Variants in CYP2J2 observed in about 807,000 individuals in gnomAD.
The protein encoded by CYP2J2 is cytochrome P450 family 2 subfamily J member 2.
In CYP2J2, 41 loss-of-function variants were observed where a neutral mutation model predicts 48.8. The ratio of observed to expected loss-of-function variants is 0.84; its 90% confidence interval spans 0.66 to 1.09. CYP2J2 has a LOEUF of 1.09. CYP2J2 is among the 50% of genes least tolerant of loss of function. The probability of loss-of-function intolerance (pLI) is 0.00; values close to 1 mark genes in which losing one functional copy is unlikely to be tolerated. For missense variants in CYP2J2, 644 were observed against 617.3 expected, an observed-to-expected ratio of 1.04 and a Z score of -0.46; for synonymous variants, 221 against 227.1, an observed-to-expected ratio of 0.97 and a Z score of 0.24.
At chr1:59,934,989 G>GATATATATATATATATATACATATAT in the CYP2J2 span, among the ~76,000 whole-genome samples, 2 of 58,406 alleles carry the variant, frequency 3.4e-5, no homozygotes, top group Admixed American at 2.5e-4. Context: ...AAGAAAATGG[G>GATATATATATATATATATACATATAT]ATATATATAT....
the CYP2J2 span, among the ~76,000 whole-genome samples, chr1:59,943,059 G>A: frequency 6.6e-6 from 1 of 152,190 alleles, no homozygotes; most frequent in East Asian, 1.9e-4. Context: ...ACAGGTTTAA[G>A]TGGAACAATA....
At chr1:59,941,695 T>C in the CYP2J2 span, among the ~76,000 whole-genome samples, 241 of 152,278 alleles carry the variant, frequency 1.6e-3, no homozygotes, top group Middle Eastern at 0.01. Context: ...TCTGACCCTG[T>C]GTAGGCCTAG....
Position 59,904,999 on chromosome 1 carries a change from C to A in CYP2J2, c.1063G>T (p.Ala355Ser). Residue 355 changes from alanine (A) to serine (S), a missense_variant, in exon 7 of 9, where the codon GCC becomes TCC. Ala to Ser is a moderately conservative substitution (Grantham distance 99). Coordinates refer to ENST00000371204, the MANE Select transcript of CYP2J2 (RefSeq NM_000775.4). Reference protein sequence around the residue: ...IGQGQQPSTAARESMPYTNAV... With the variant: ...IGQGQQPSTASRESMPYTNAV... ...TTGGTGTAGGGCATGGACTCCCGGGCGGCTGTGCTCGGCTGCTGCCCCTGG... is the reference window on the plus strand; with the variant it reads ...TTGGTGTAGGGCATGGACTCCCGGGAGGCTGTGCTCGGCTGCTGCCCCTGG... The A allele has an allele frequency of 6.2e-7, 1 of 1,613,860 alleles. No homozygotes were observed. Among genetic ancestry groups the A allele is most frequent in the Non-Finnish European group, 8.5e-7 (1 of 1,179,926 alleles).
Position 59,926,759 on chromosome 1 carries a change from C to T in CYP2J2, c.-13G>A. 4 of 1,606,246 alleles carry T rather than the reference C, an allele frequency of 2.5e-6. No individual in the cohort carries two copies. Among genetic ancestry groups the T allele is most frequent in the African/African-American group, 1.3e-5 (1 of 74,896 alleles). ...TCGCCGCGAGCATGGCTCAGACGTCCTCCTGCTCTTCTGCGGTCCAAGCAG... is the reference window on the plus strand; with the variant it reads ...TCGCCGCGAGCATGGCTCAGACGTCTTCCTGCTCTTCTGCGGTCCAAGCAG... On this transcript the variant is annotated 5_prime_UTR_variant, in exon 1 of 9. Coordinates refer to ENST00000371204, the MANE Select transcript of CYP2J2 (RefSeq NM_000775.4).
At chr1:59,959,847 G>A in the CYP2J2 span, among the ~76,000 whole-genome samples, 1 of 152,108 alleles carries the variant, frequency 6.6e-6, no homozygotes, top group Non-Finnish European at 1.5e-5. Context: ...GCTAAGCTAT[G>A]AGGACACAAA....
chr1:59,896,549 T>C (rs1187314029), intron 8 of CYP2J2, among the ~76,000 whole-genome samples: 1 of 151,964 alleles, frequency 6.6e-6, no homozygotes, highest in African/African-American at 2.4e-5. Context: ...ATAACTTACC[T>C]CTCATCACTG....
At position 59,926,546 on chromosome 1, in the gene CYP2J2, C is replaced by T. The variant is rs973988967; in HGVS notation, c.201G>A (p.Glu67=). 3 of 1,613,958 alleles carry T rather than the reference C, an allele frequency of 1.9e-6. No individual in the cohort carries two copies. The highest frequency in any genetic ancestry group is 2.5e-6 in the Non-Finnish European group (3 of 1,179,804). The stretch of plus-strand genomic sequence containing the variant: ...CTTCTCCCACTCCTACCAGCTGAAC[C>T]TCCAGGTGCGACTGCTCGAAGTCCA... ...FLVDFEQSHL[E]VQLFVKKYGN... is the part of the protein sequence containing the mutation. The change falls in exon 1 of 9, where the codon GAG becomes GAA. Residue 67 remains glutamate, a synonymous_variant. Transcript: ENST00000371204.
chr1:59,943,535 A>G, the CYP2J2 span, among the ~76,000 whole-genome samples: 1 of 152,358 alleles, frequency 6.6e-6, no homozygotes, highest in East Asian at 1.9e-4. Flanking sequence ...AAACAAGTCC[A>G]GGAAAGTATG....
At chr1:59,958,033 A>T in the CYP2J2 span, among the ~76,000 whole-genome samples, 4 of 152,190 alleles carry the variant, frequency 2.6e-5, no homozygotes, top group African/African-American at 9.7e-5. Flanking sequence ...TCTTGACAAG[A>T]CAATATGGTC....
At chr1:59,910,458 G>A (rs1644403370) in intron 4 of CYP2J2, among the ~76,000 whole-genome samples, 1 of 145,508 alleles carries the variant, frequency 6.9e-6, no homozygotes, top group African/African-American at 2.6e-5. Flanking sequence ...AATTGTTAGA[G>A]CTCACTGATG....
the CYP2J2 span, among the ~76,000 whole-genome samples, chr1:59,965,557 T>C: frequency 2.0e-5 from 3 of 152,222 alleles, no homozygotes; most frequent in Non-Finnish European, 4.4e-5. Context: ...TTTCCTGCAC[T>C]TGCTGTGTGG....
chr1:59,968,491 G>A, the CYP2J2 span, among the ~76,000 whole-genome samples: 1 of 152,088 alleles, frequency 6.6e-6, no homozygotes, highest in Non-Finnish European at 1.5e-5. Context: ...GAAGAGATGA[G>A]GCGGTGGGCA....
At chr1:59,967,092 G>T in the CYP2J2 span, among the ~76,000 whole-genome samples, 66 of 152,194 alleles carry the variant, frequency 4.3e-4, no homozygotes, top group African/African-American at 1.4e-3. Flanking sequence ...GCCAGCCTTT[G>T]AGCAGATGTA....
At chr1:59,937,201 C>A in the CYP2J2 span, among the ~76,000 whole-genome samples, 1 of 152,186 alleles carries the variant, frequency 6.6e-6, no homozygotes. Context: ...TCTGGTTCAA[C>A]AGCACAACAG....
chr1:59,942,019 G>A, the CYP2J2 span, among the ~76,000 whole-genome samples: 4 of 152,230 alleles, frequency 2.6e-5, no homozygotes, highest in Non-Finnish European at 4.4e-5. Flanking sequence ...CCAGAACAAC[G>A]TTCAGTGTTG....
chr1:59,963,505 C>T, the CYP2J2 span, among the ~76,000 whole-genome samples: 2 of 152,174 alleles, frequency 1.3e-5, no homozygotes, highest in African/African-American at 4.8e-5. Flanking sequence ...ATCCATGTTA[C>T]AGCTTATATC....
chr1:59,954,964 CCTT>C, the CYP2J2 span, among the ~76,000 whole-genome samples: 1 of 151,656 alleles, frequency 6.6e-6, no homozygotes, highest in Admixed American at 6.6e-5. Context: ...TGGCACAACC[CCTT>C]CTCTACAAAA....
the CYP2J2 span, among the ~76,000 whole-genome samples, chr1:59,952,307 CT>C: frequency 4.6e-3 from 645 of 139,946 alleles, 15 homozygotes; most frequent in East Asian, 0.073. Flanking sequence ...TATGCGTATG[CT>C]TTTTTTTTTT....
chr1:59,936,943 G>T, the CYP2J2 span, among the ~76,000 whole-genome samples: 2 of 152,164 alleles, frequency 1.3e-5, no homozygotes, highest in Non-Finnish European at 2.9e-5. Context: ...TTACTTATTG[G>T]TTTATAAAAA....
Sources: allele counts gnomAD v4.1 joint callset (sites outside exome capture counted in the v4.1 genomes callset), GRCh38; gene constraint gnomAD v4.1.1; transcripts MANE v1.5; gene names NCBI Gene and HGNC (gene_info 2026-07-23, HGNC 2026-07-21).